Variants in CCDC148 observed in about 807,000 individuals in gnomAD.
CCDC148 encodes the protein coiled-coil domain containing 148.
Under a neutral mutation model 85.7 loss-of-function variants are expected in CCDC148, and 89 were observed. The ratio of observed to expected loss-of-function variants is 1.04; its 90% CI spans 0.87 to 1.24. CCDC148 has a LOEUF of 1.24. CCDC148 is among the 50% of genes most tolerant of loss of function. The pLI, the probability that CCDC148 is intolerant of heterozygous loss-of-function variation, is 0.00. For missense variants in CCDC148, 692 were observed against 671.7 expected, an observed-to-expected ratio of 1.03 and a Z score of -0.33; for synonymous variants, 230 against 213.9, an observed-to-expected ratio of 1.08 and a Z score of -0.66.
intron 7 of CCDC148, among the ~76,000 whole-genome samples, chr2:158,327,045 C>G (rs1253873435): frequency 6.6e-6 from 1 of 152,104 alleles, no homozygotes; most frequent in South Asian, 2.1e-4. Flanking sequence ...GTACAATAAT[C>G]TATAAAACTA....
At chr2:158,246,881 T>A (rs1457273263) in intron 10 of CCDC148, among the ~76,000 whole-genome samples, 2 of 152,190 alleles carry the variant, frequency 1.3e-5, no homozygotes, top group East Asian at 1.9e-4. Context: ...ATAGGAAAAT[T>A]GTTTCCAGGC....
Position 158,387,057 on chromosome 2 carries a change from T to C in CCDC148, c.26-28487A>G, listed in dbSNP as rs370736653. ...GAGTTCTGTGTTCTTTTGAAACCTT[T>C]CTTTGAATGTTTCCTTTCTTTCTGT... On this transcript the variant is annotated intron_variant, in intron 1 of 13. Coordinates refer to ENST00000283233, the MANE Select transcript of CCDC148 (RefSeq NM_138803.4). 9.2e-5 allele frequency among the ~76,000 whole-genome samples: 14 copies of C among 152,288 alleles called. 2 individuals carry two copies. The highest frequency in any genetic ancestry group is 6.5e-4 in the Admixed American group (10 of 15,290).
At chr2:158,302,713 G>A (rs1009005557) in intron 9 of CCDC148, among the ~76,000 whole-genome samples, 1 of 151,796 alleles carries the variant, frequency 6.6e-6, no homozygotes, top group Admixed American at 6.6e-5. Flanking sequence ...GAACCCAGGA[G>A]TTGGAGGTTG....
At chr2:158,273,497 T>C (rs994222035) in intron 9 of CCDC148, among the ~76,000 whole-genome samples, 1 of 152,154 alleles carries the variant, frequency 6.6e-6, no homozygotes, top group African/African-American at 2.4e-5. Context: ...GATGGGCACG[T>C]GCGTCTTTGT....
At chr2:158,227,480 A>C (rs1240169126) in intron 10 of CCDC148, among the ~76,000 whole-genome samples, 1 of 151,880 alleles carries the variant, frequency 6.6e-6, no homozygotes, top group African/African-American at 2.4e-5. Flanking sequence ...TGGAACCAAA[A>C]AAGAGCCCGC....
intron 9 of CCDC148, among the ~76,000 whole-genome samples, chr2:158,305,041 C>CA (rs371171236): frequency 2.0e-5 from 3 of 151,656 alleles, no homozygotes; most frequent in African/African-American, 7.3e-5. Context: ...AGAGTGCTCA[C>CA]AAAAAAAATA....
At chr2:158,217,849 G>GA in intron 11 of CCDC148, among the ~76,000 whole-genome samples, 1 of 152,014 alleles carries the variant, frequency 6.6e-6, no homozygotes, top group Non-Finnish European at 1.5e-5. Context: ...TTCTGATACG[G>GA]AAAAAAAGTG....
At chr2:158,374,258 C>T (rs889463950) in intron 1 of CCDC148, among the ~76,000 whole-genome samples, 2 of 152,048 alleles carry the variant, frequency 1.3e-5, no homozygotes, top group Non-Finnish European at 2.9e-5. Flanking sequence ...AGACCAGCTA[C>T]TCAGGTGTCA....
chr2:158,293,212 C>A (rs944220461), intron 9 of CCDC148, among the ~76,000 whole-genome samples: 4 of 151,612 alleles, frequency 2.6e-5, no homozygotes, highest in African/African-American at 9.7e-5. Flanking sequence ...ACTAGGAAGA[C>A]AATATGGGGG....
chr2:158,195,834 C>A (rs1367424128), intron 11 of CCDC148, among the ~76,000 whole-genome samples: 1 of 152,126 alleles, frequency 6.6e-6, no homozygotes, highest in Non-Finnish European at 1.5e-5. Context: ...TCATACAAGC[C>A]AGGACAAGTG....
At chr2:158,329,423 T>A (rs1179347453) in intron 7 of CCDC148, among the ~76,000 whole-genome samples, 4 of 152,220 alleles carry the variant, frequency 2.6e-5, no homozygotes, top group African/African-American at 9.6e-5. Flanking sequence ...TGTAGCCTTG[T>A]AGTATAGTTT....
At chr2:158,222,709 T>C (rs1015233261) in intron 10 of CCDC148, among the ~76,000 whole-genome samples, 14 of 152,206 alleles carry the variant, frequency 9.2e-5, no homozygotes, top group African/African-American at 2.9e-4. Context: ...CATTATGATA[T>C]GTACAATTCT....
At chr2:158,283,773 T>C (rs1240754887) in intron 9 of CCDC148, among the ~76,000 whole-genome samples, 1 of 151,882 alleles carries the variant, frequency 6.6e-6, no homozygotes, top group Non-Finnish European at 1.5e-5. Flanking sequence ...ATCCCATTAC[T>C]AGGTATATAC....
rs143561715 is a variant in CCDC148 at position 158,230,340 on chromosome 2, T to A, written c.1252-9627A>T. ...ATTTGAGTAGAATTAGTAGAAGGTA[T>A]CTTTTAAATGTCTTAAATAGGACAT... On this transcript the variant is annotated intron_variant, in intron 10 of 13. Coordinates refer to ENST00000283233, the MANE Select transcript of CCDC148 (RefSeq NM_138803.4). Among the ~76,000 whole-genome samples, 208 of 152,318 alleles carry A rather than the reference T, an allele frequency of 1.4e-3. 1 individual carries two copies. Among genetic ancestry groups the A allele is most frequent in the African/African-American group, 3.9e-3 (164 of 41,580 alleles).
chr2:158,446,746 C>T (rs1055903194), intron 1 of CCDC148, among the ~76,000 whole-genome samples: 1 of 152,096 alleles, frequency 6.6e-6, no homozygotes, highest in African/African-American at 2.4e-5. Context: ...CACCAGAAAA[C>T]ATTCAGTCAT....
At chr2:158,396,520 A>G (rs546944840) in intron 1 of CCDC148, among the ~76,000 whole-genome samples, 134 of 152,196 alleles carry the variant, frequency 8.8e-4, no homozygotes, top group African/African-American at 2.8e-3. Context: ...CTCTGCCCCA[A>G]GAGCCAATTA....
At chr2:158,284,292 A>G (rs970764482) in intron 9 of CCDC148, among the ~76,000 whole-genome samples, 4 of 152,238 alleles carry the variant, frequency 2.6e-5, no homozygotes, top group Non-Finnish European at 4.4e-5. Flanking sequence ...AAAAAAAGAA[A>G]ACCAATAATG....
chr2:158,363,151 GT>G (rs1220503443), intron 1 of CCDC148, among the ~76,000 whole-genome samples: 1 of 152,108 alleles, frequency 6.6e-6, no homozygotes, highest in African/African-American at 2.4e-5. Context: ...ACAATAACAA[GT>G]TCTGAAATTG....
chr2:158,323,820 A>G (rs1172579191), intron 7 of CCDC148, among the ~76,000 whole-genome samples: 4 of 151,772 alleles, frequency 2.6e-5, no homozygotes, highest in Non-Finnish European at 5.9e-5. Flanking sequence ...TCTCCTCTTC[A>G]CCCTTTAACT....
Sources: gnomAD v4.1 joint callset for allele counts (sites outside exome capture counted in the v4.1 genomes callset) on GRCh38, gnomAD v4.1.1 for gene constraint, MANE v1.5 for transcripts, NCBI Gene and HGNC (gene_info 2026-07-23, HGNC 2026-07-21) for gene names.